The following BAZ2B variants were observed in gnomAD, a reference collection of about 807,000 sequenced individuals.
BAZ2B encodes the protein bromodomain adjacent to zinc finger domain 2B.
A neutral mutation model predicts 246.0 loss-of-function variants in BAZ2B; 91 were observed. The observed-to-expected ratio is 0.37, with a 90% confidence interval of 0.31 to 0.44. BAZ2B has a LOEUF of 0.44. Among genes scored for constraint, BAZ2B ranks in the 20% least tolerant of loss-of-function variants. The pLI is 1.00. For missense variants in BAZ2B, 2,332 were observed against 2,533.7 expected (o/e 0.92, Z 1.71); for synonymous variants, 855 against 860.0 (o/e 0.99, Z 0.10).
At chr2:159,708,562 TTTA>T in the BAZ2B span, among the ~76,000 whole-genome samples, 1 of 40,628 alleles carries the variant, frequency 2.5e-5, no homozygotes. Context: ...TATTTATTTA[TTTA>T]TTTATTTATT....
At chr2:159,590,234 A>T (rs1689047292) in intron 1 of BAZ2B, among the ~76,000 whole-genome samples, 1 of 104,332 alleles carries the variant, frequency 9.6e-6, no homozygotes, top group Non-Finnish European at 2.0e-5. Context: ...AAAAAAAACA[A>T]CCCAGCAAGA....
At chr2:159,435,016 G>T (rs1577000761) in intron 8 of BAZ2B, 2 of 151,750 alleles carry the variant, frequency 1.3e-5, no homozygotes, top group South Asian at 4.2e-4. Context: ...TTAACAGAAG[G>T]AGCTGAATTT....
chr2:159,462,097 CTT>C (rs1400662590), intron 3 of BAZ2B: 3 of 252,076 alleles, frequency 1.2e-5, no homozygotes, highest in Non-Finnish European at 1.5e-5. Flanking sequence ...GGCTAGGAAA[CTT>C]TTTTAAACAG....
At chr2:159,609,615 G>A (rs184772573) in intron 1 of BAZ2B, among the ~76,000 whole-genome samples, 15 of 152,264 alleles carry the variant, frequency 9.9e-5, no homozygotes, top group Admixed American at 9.8e-4. Flanking sequence ...ATCTAGGTTT[G>A]TTTGGTTGAT....
At chr2:159,445,971 C>T (rs903479871) in intron 6 of BAZ2B, among the ~76,000 whole-genome samples, 2 of 151,928 alleles carry the variant, frequency 1.3e-5, no homozygotes, top group Non-Finnish European at 1.5e-5. Context: ...AAAATTACCT[C>T]GGTGTGGTAG....
intron 2 of BAZ2B, among the ~76,000 whole-genome samples, chr2:159,526,766 T>C (rs1447500183): frequency 6.6e-6 from 1 of 152,086 alleles, no homozygotes; most frequent in Non-Finnish European, 1.5e-5. Context: ...TAAAAAAGCA[T>C]GAAGTTTTAG....
chr2:159,550,601 GA>G (rs373510128), intron 2 of BAZ2B, among the ~76,000 whole-genome samples: 44 of 152,098 alleles, frequency 2.9e-4, no homozygotes, highest in African/African-American at 1.0e-3. Context: ...AGAAGAGGGG[GA>G]AAACCAGTAT....
At chr2:159,690,235 A>G in the BAZ2B span, 1 of 405,590 alleles carries the variant, frequency 2.5e-6, no homozygotes, top group Non-Finnish European at 4.8e-6. Context: ...CATTATATCA[A>G]TCTTTCTTAG....
chr2:159,370,463 C>A (rs1220749287), intron 27 of BAZ2B, among the ~76,000 whole-genome samples: 1 of 146,856 alleles, frequency 6.8e-6, no homozygotes, highest in Non-Finnish European at 1.5e-5. Flanking sequence ...CTCCGTCTCC[C>A]GGGTTCATGC....
chr2:159,463,834 A>G (rs2076711974), intron 3 of BAZ2B: 1 of 152,136 alleles, frequency 6.6e-6, no homozygotes, highest in African/African-American at 2.4e-5. Flanking sequence ...CCTCCTGAGT[A>G]GTTGGGATTA....
chr2:159,674,061 C>A, the BAZ2B span, among the ~76,000 whole-genome samples: 4 of 151,298 alleles, frequency 2.6e-5, no homozygotes, highest in Admixed American at 2.6e-4. Flanking sequence ...AGAACAGGCA[C>A]GTCAGATGCA....
chr2:159,623,811 G>T, the BAZ2B span, among the ~76,000 whole-genome samples: 4 of 152,180 alleles, frequency 2.6e-5, no homozygotes, highest in Non-Finnish European at 5.9e-5. Context: ...GCACTTTATA[G>T]CAAAAGCCTG....
chr2:159,439,871 T>C (rs939816645), intron 6 of BAZ2B, among the ~76,000 whole-genome samples: 1 of 152,002 alleles, frequency 6.6e-6, no homozygotes, highest in African/African-American at 2.4e-5. Context: ...AGGTAGAAGA[T>C]GAGGTAGATA....
At chr2:159,597,944 A>G (rs1414719789) in intron 1 of BAZ2B, among the ~76,000 whole-genome samples, 2 of 152,116 alleles carry the variant, frequency 1.3e-5, no homozygotes, top group African/African-American at 4.8e-5. Flanking sequence ...AATACACTAA[A>G]CTATCTTTCA....
chr2:159,455,956 A>G (rs1376915173), intron 3 of BAZ2B, among the ~76,000 whole-genome samples: 1 of 151,884 alleles, frequency 6.6e-6, no homozygotes, highest in Non-Finnish European at 1.5e-5. Flanking sequence ...ACATACTATG[A>G]TCAGTTCTTT....
At chr2:159,377,015 T>TCACAG (rs2061477614) in intron 25 of BAZ2B, among the ~76,000 whole-genome samples, 2 of 152,146 alleles carry the variant, frequency 1.3e-5, no homozygotes, top group African/African-American at 4.8e-5. Context: ...GGCCAACTTG[T>TCACAG]GAGGTTAAAC....
chr2:159,702,940 A>T, the BAZ2B span, among the ~76,000 whole-genome samples: 1 of 151,858 alleles, frequency 6.6e-6, no homozygotes, highest in Non-Finnish European at 1.5e-5. Flanking sequence ...CTCGGGAGGG[A>T]GGCTGAGGCA....
the BAZ2B span, among the ~76,000 whole-genome samples, chr2:159,683,253 C>T: frequency 2.6e-5 from 4 of 152,028 alleles, no homozygotes; most frequent in Admixed American, 2.0e-4. Context: ...TAAGTTCACA[C>T]TATTTTATTT....
At chr2:159,390,963 T>G (rs2063261195) in intron 20 of BAZ2B, among the ~76,000 whole-genome samples, 1 of 152,186 alleles carries the variant, frequency 6.6e-6, no homozygotes, top group East Asian at 1.9e-4. Flanking sequence ...GGTTTGATTT[T>G]CAAATCAAAT....
Sources: allele counts gnomAD v4.1 joint callset (sites outside exome capture counted in the v4.1 genomes callset), GRCh38; gene constraint gnomAD v4.1.1; transcripts MANE v1.5; gene names NCBI Gene and HGNC (gene_info 2026-07-23, HGNC 2026-07-21).